SIK3: variants seen among roughly 807,000 people sequenced by gnomAD.
SIK3 encodes the protein SIK family kinase 3, also known as serine/threonine-protein kinase SIK3.
A neutral mutation model predicts 144.2 loss-of-function variants in SIK3; 28 were observed. The observed-to-expected ratio is 0.19, with a 90% CI of 0.14 to 0.27. SIK3 has a LOEUF of 0.27. Among genes scored for constraint, SIK3 ranks in the 10% least tolerant of loss-of-function variants. SIK3 has a pLI of 1.00. For missense variants in SIK3, 1,319 were observed against 1,776.0 expected (o/e 0.74, Z 4.62); for synonymous variants, 686 against 676.3 (o/e 1.01, Z -0.22).
At chr11:117,035,942 C>A in intron 1 of SIK3, 1 of 1,589,220 alleles carries the variant, frequency 6.3e-7, no homozygotes, top group Admixed American at 1.7e-5. Context: ...GCATCCTGGG[C>A]ATTTCACATC....
chr11:116,945,380 C>CTTTTTT (rs35915801), intron 3 of SIK3, among the ~76,000 whole-genome samples: 35 of 95,390 alleles, frequency 3.7e-4, no homozygotes, highest in African/African-American at 1.2e-3. Flanking sequence ...TTCATGAATT[C>CTTTTTT]TTTTTTTTTT....
intron 6 of SIK3, among the ~76,000 whole-genome samples, chr11:116,877,858 A>C (rs1944337606): frequency 1.3e-5 from 2 of 152,220 alleles, no homozygotes; most frequent in African/African-American, 4.8e-5. Context: ...CCAAAACAGC[A>C]CTATTGATGC....
intron 1 of SIK3, among the ~76,000 whole-genome samples, chr11:117,011,634 G>A (rs1396020198): frequency 6.6e-6 from 1 of 152,240 alleles, no homozygotes; most frequent in East Asian, 1.9e-4. Context: ...GGGATTTACT[G>A]AGGATTCACA....
At chr11:117,044,196 T>C (rs1952860806) in intron 1 of SIK3, among the ~76,000 whole-genome samples, 1 of 152,196 alleles carries the variant, frequency 6.6e-6, no homozygotes, top group Non-Finnish European at 1.5e-5. Context: ...ATTTCCAAAT[T>C]ATAACTCCAA....
chr11:117,031,687 ATT>A (rs57524562), intron 1 of SIK3, among the ~76,000 whole-genome samples: 1,445 of 81,336 alleles, frequency 0.018, 7 homozygotes, highest in African/African-American at 0.063. Flanking sequence ...CACCCGGCTA[ATT>A]TTTTTTTTTT....
Position 116,951,306 on chromosome 11 carries a change from T to G in SIK3, c.454+2738A>C, listed in dbSNP as rs74436619. The stretch of plus-strand genomic sequence containing the variant: ...TAAAAATCAGAGCTCATGAGACAGT[T>G]CTATCCCTGTGCAGTCTCAATAATT... On this transcript the variant is annotated intron_variant, in intron 3 of 24. Transcript: ENST00000445177. Among the ~76,000 whole-genome samples, 1,175 of 152,308 alleles carry G rather than the reference T, an allele frequency of 7.7e-3. 15 individuals carry two copies. The highest frequency in any genetic ancestry group is 0.024 in the African/African-American group (1,006 of 41,564).
At chr11:116,953,251 G>GC (rs1390740429) in intron 3 of SIK3, among the ~76,000 whole-genome samples, 2 of 152,112 alleles carry the variant, frequency 1.3e-5, no homozygotes. Context: ...TTTTAAACTA[G>GC]CAAGTGTTCA....
chr11:117,012,211 C>A (rs1452501084), intron 1 of SIK3, among the ~76,000 whole-genome samples: 1 of 152,082 alleles, frequency 6.6e-6, no homozygotes, highest in Non-Finnish European at 1.5e-5. Flanking sequence ...CGGACTCAAG[C>A]AATTCTCTCA....
intron 1 of SIK3, among the ~76,000 whole-genome samples, chr11:117,064,747 C>T (rs890914756): frequency 2.6e-5 from 4 of 152,196 alleles, no homozygotes; most frequent in Admixed American, 6.5e-5. Flanking sequence ...ACAAATTGAG[C>T]TCTCTTCAAA....
chr11:117,097,667 G>A (rs146310466), intron 1 of SIK3, among the ~76,000 whole-genome samples: 1 of 152,054 alleles, frequency 6.6e-6, no homozygotes, highest in East Asian at 1.9e-4. Flanking sequence ...TTCCCAGTCC[G>A]TGCCCCAGCC....
intron 6 of SIK3, among the ~76,000 whole-genome samples, chr11:116,892,608 C>G (rs1247039300): frequency 6.6e-6 from 1 of 152,208 alleles, no homozygotes; most frequent in East Asian, 1.9e-4. Flanking sequence ...AGCTCTCACT[C>G]ATTGCTGGCA....
At chr11:116,965,734 AATATATATATATATATATATAT>A (rs58587995) in intron 1 of SIK3, among the ~76,000 whole-genome samples, 5,006 of 118,276 alleles carry the variant, frequency 0.042, 217 homozygotes, top group Non-Finnish European at 0.056. Context: ...TCTCTGCTAA[AATATATATATATATATATATAT>A]ATATATATAT....
At chr11:116,922,630 A>C (rs960703488) in intron 4 of SIK3, among the ~76,000 whole-genome samples, 1 of 152,206 alleles carries the variant, frequency 6.6e-6, no homozygotes, top group African/African-American at 2.4e-5. Context: ...CTACAAAACA[A>C]ACAAACAGTA....
At chr11:116,930,073 C>A (rs193011323) in intron 3 of SIK3, among the ~76,000 whole-genome samples, 1 of 151,916 alleles carries the variant, frequency 6.6e-6, no homozygotes, top group East Asian at 1.9e-4. Flanking sequence ...AATACACTTA[C>A]GGAACAAATC....
chr11:116,894,642 T>C (rs1945297743), intron 6 of SIK3, among the ~76,000 whole-genome samples: 1 of 152,250 alleles, frequency 6.6e-6, no homozygotes, highest in South Asian at 2.1e-4. Context: ...TAATCTCTCC[T>C]GGCTTCAGTT....
intron 11 of SIK3, 132 bp from the exon 12 acceptor site, chr11:116,874,188 T>A: frequency 1.0e-6 from 1 of 973,740 alleles, no homozygotes; most frequent in Non-Finnish European, 1.5e-6. Flanking sequence ...TGTTTCTCTT[T>A]AAGATCCTAA....
chr11:116,888,760 C>T (rs541658183), intron 6 of SIK3, among the ~76,000 whole-genome samples: 4 of 152,178 alleles, frequency 2.6e-5, no homozygotes, highest in African/African-American at 7.2e-5. Context: ...GATTAAAGAG[C>T]GACTACGTTT....
intron 21 of SIK3, among the ~76,000 whole-genome samples, chr11:116,855,066 A>G (rs1393845153): frequency 7.4e-6 from 1 of 134,924 alleles, no homozygotes; most frequent in East Asian, 2.2e-4. Flanking sequence ...AGCATGGGTG[A>G]CAGTGTGAGA....
chr11:116,964,255 T>C (rs1815788), intron 1 of SIK3, among the ~76,000 whole-genome samples: 47,711 of 151,676 alleles, frequency 0.31, 8,511 homozygotes, highest in African/African-American at 0.5. Context: ...CCCACCTCAG[T>C]CTCCTAAAGT....
Sources: allele counts gnomAD v4.1 joint callset (sites outside exome capture counted in the v4.1 genomes callset), GRCh38; gene constraint gnomAD v4.1.1; transcripts MANE v1.5; gene names NCBI Gene and HGNC (gene_info 2026-07-23, HGNC 2026-07-21).